The following KCNN2 variants were observed in gnomAD, a reference collection of about 807,000 sequenced individuals.
KCNN2 encodes the protein small conductance calcium-activated potassium channel protein 2.
In KCNN2, 24 loss-of-function variants were observed where a neutral mutation model predicts 55.5. The ratio of observed to expected loss-of-function variants is 0.43; its 90% CI spans 0.31 to 0.61. The LOEUF (loss-of-function observed/expected upper bound fraction) is 0.61. KCNN2 is among the 20% of genes least tolerant of loss of function. The pLI, the probability that KCNN2 is intolerant of heterozygous loss-of-function variation, is 0.08. For missense variants in KCNN2, 754 were observed against 853.6 expected (o/e 0.88, Z 1.45); for synonymous variants, 431 against 336.1 (o/e 1.28, Z -3.09).
chr5:114,212,628 A>G (rs1753911591), intron 1 of KCNN2, among the ~76,000 whole-genome samples: 1 of 152,036 alleles, frequency 6.6e-6, no homozygotes, highest in East Asian at 1.9e-4. Context: ...GTAAAAAAAA[A>G]TGCTTTCATA....
At chr5:114,247,980 C>A (rs1754780674) in intron 2 of KCNN2, among the ~76,000 whole-genome samples, 1 of 152,072 alleles carries the variant, frequency 6.6e-6, no homozygotes, top group African/African-American at 2.4e-5. Flanking sequence ...TTGGACTTCC[C>A]TTTTCTTTGC....
At chr5:114,314,184 C>A (rs1046809730) in intron 2 of KCNN2, among the ~76,000 whole-genome samples, 3 of 152,056 alleles carry the variant, frequency 2.0e-5, no homozygotes, top group South Asian at 4.1e-4. Flanking sequence ...ATTTTTAGAG[C>A]AATTTTAGGT....
At chr5:114,170,760 T>A (rs1251017864) in intron 1 of KCNN2, among the ~76,000 whole-genome samples, 1 of 152,038 alleles carries the variant, frequency 6.6e-6, no homozygotes, top group Non-Finnish European at 1.5e-5. Flanking sequence ...CATTTACCTA[T>A]GTTTGTATCT....
intron 2 of KCNN2, among the ~76,000 whole-genome samples, chr5:114,367,440 G>C (rs575601807): frequency 6.6e-6 from 1 of 152,152 alleles, no homozygotes; most frequent in Non-Finnish European, 1.5e-5. Context: ...TATTGAACTT[G>C]TTTTCTATAT....
intron 2 of KCNN2, among the ~76,000 whole-genome samples, chr5:114,348,977 T>C (rs1056897191): frequency 2.8e-5 from 4 of 144,414 alleles, no homozygotes; most frequent in African/African-American, 7.3e-5. Context: ...ATTCCCAGAG[T>C]TACATAACCA....
At chr5:114,061,503 G>A (rs1750329797) in intron 1 of KCNN2, among the ~76,000 whole-genome samples, 1 of 152,118 alleles carries the variant, frequency 6.6e-6, no homozygotes, top group South Asian at 2.1e-4. Flanking sequence ...AGGCAAAAGT[G>A]TCTCATGCAG....
At chr5:114,291,811 T>A (rs1313616378) in intron 2 of KCNN2, among the ~76,000 whole-genome samples, 1 of 152,208 alleles carries the variant, frequency 6.6e-6, no homozygotes, top group Non-Finnish European at 1.5e-5. Flanking sequence ...CCACCAACAG[T>A]GTAAAAGTGT....
At chr5:114,180,989 G>A (rs748732231) in intron 1 of KCNN2, among the ~76,000 whole-genome samples, 5 of 152,140 alleles carry the variant, frequency 3.3e-5, no homozygotes, top group African/African-American at 7.2e-5. Context: ...TTATTCTTAA[G>A]TAGTATTTCA....
rs557471899 is a variant in KCNN2 at position 114,392,623 on chromosome 5, G to C, written c.1219-11815G>C. On this transcript the variant is annotated intron_variant, in intron 2 of 7. Coordinates refer to ENST00000673685, the MANE Select transcript of KCNN2 (RefSeq NM_021614.4). ...AATTTTTTCCCTCCTGCAGTTCTGG[G>C]CTGAGGATCTTGGAGGAGATCTCAA... 3.1e-4 allele frequency among the ~76,000 whole-genome samples: 47 copies of C among 152,172 alleles called. 1 individual carries two copies. The highest frequency in any genetic ancestry group is 1.1e-3 in the African/African-American group (45 of 41,528).
At chr5:114,476,799 T>C (rs980630531) in intron 5 of KCNN2, among the ~76,000 whole-genome samples, 6 of 152,094 alleles carry the variant, frequency 3.9e-5, no homozygotes, top group Non-Finnish European at 8.8e-5. Context: ...GAAAACAGAT[T>C]GCTGGTTTAT....
At chr5:114,303,068 C>T (rs1756199886) in intron 2 of KCNN2, among the ~76,000 whole-genome samples, 1 of 152,202 alleles carries the variant, frequency 6.6e-6, no homozygotes, top group African/African-American at 2.4e-5. Flanking sequence ...GAAGACAATT[C>T]AATTTGGCAT....
chr5:114,199,474 G>T (rs1461783217), intron 1 of KCNN2, among the ~76,000 whole-genome samples: 1 of 151,954 alleles, frequency 6.6e-6, no homozygotes, highest in African/African-American at 2.4e-5. Flanking sequence ...TTGTTTTCAA[G>T]TTGTTTCATA....
chr5:114,192,192 C>T (rs1293857148), intron 1 of KCNN2, among the ~76,000 whole-genome samples: 1 of 152,144 alleles, frequency 6.6e-6, no homozygotes, highest in Non-Finnish European at 1.5e-5. Flanking sequence ...ATTGACATTA[C>T]TAAATGATAC....
exon 1 of KCNN2, chr5:114,056,353 G>T: frequency 2.5e-6 from 1 of 398,602 alleles, no homozygotes; most frequent in Non-Finnish European, 4.4e-6. Context: ...TTCTCAGATG[G>T]AAACAGTTTC....
chr5:114,105,266 A>G (rs1751461960), intron 1 of KCNN2, among the ~76,000 whole-genome samples: 1 of 152,074 alleles, frequency 6.6e-6, no homozygotes, highest in Non-Finnish European at 1.5e-5. Context: ...CCCCATCAAT[A>G]TAAATAACTG....
chr5:114,420,481 A>G (rs1759440824), intron 3 of KCNN2, among the ~76,000 whole-genome samples: 2 of 152,234 alleles, frequency 1.3e-5, no homozygotes, highest in African/African-American at 4.8e-5. Context: ...GTTACTTAAC[A>G]TGGGAGAAAT....
intron 1 of KCNN2, among the ~76,000 whole-genome samples, chr5:114,127,020 T>TC (rs1020369156): frequency 1.3e-5 from 2 of 152,196 alleles, no homozygotes; most frequent in African/African-American, 4.8e-5. Flanking sequence ...AGAGATGGGC[T>TC]CCCATAGCCT....
upstream of KCNN2, among the ~76,000 whole-genome samples, chr5:114,357,783 AG>A (rs1347265133): frequency 2.0e-5 from 3 of 150,494 alleles, no homozygotes; most frequent in African/African-American, 7.4e-5. Flanking sequence ...TCTTTATAGC[AG>A]CATGATTTAT....
At chr5:114,231,685 G>T (rs1754363430) in intron 2 of KCNN2, among the ~76,000 whole-genome samples, 1 of 151,124 alleles carries the variant, frequency 6.6e-6, no homozygotes, top group South Asian at 2.1e-4. Flanking sequence ...GTTTGCCAGT[G>T]ACAGTATGAA....
Sources: allele counts gnomAD v4.1 joint callset (sites outside exome capture counted in the v4.1 genomes callset), GRCh38; gene constraint gnomAD v4.1.1; transcripts MANE v1.5; gene names NCBI Gene and HGNC (gene_info 2026-07-23, HGNC 2026-07-21).